The following PRPF18 variants were observed in gnomAD, a reference collection of about 807,000 sequenced individuals.
The protein encoded by PRPF18 is pre-mRNA-splicing factor 18.
PRPF18 carries 38 observed loss-of-function variants against 46.5 expected under a neutral mutation model. That is an observed-to-expected ratio of 0.82 (90% CI 0.63 to 1.07). The LOEUF is 1.07. PRPF18 is among the 50% of genes least tolerant of loss of function. PRPF18 has a pLI of 0.00. For synonymous variants in PRPF18, 152 were observed against 146.7 expected (o/e 1.04, Z -0.26); for missense variants, 263 against 410.0 (o/e 0.64, Z 3.10).
intron 9 of PRPF18, among the ~76,000 whole-genome samples, chr10:13,623,025 C>G (rs547792417): frequency 2.6e-5 from 4 of 151,916 alleles, no homozygotes; most frequent in Non-Finnish European, 5.9e-5. Flanking sequence ...AGTGAAACCC[C>G]GTCTCTACTA....
At chr10:13,645,373 C>G in the PRPF18 span, 1 of 152,370 alleles carries the variant, frequency 6.6e-6, no homozygotes, top group East Asian at 1.9e-4. Context: ...ACCCCATCCC[C>G]CCACCACTTG....
At chr10:13,611,941 G>A (rs907451790) in intron 6 of PRPF18, among the ~76,000 whole-genome samples, 6 of 150,424 alleles carry the variant, frequency 4.0e-5, no homozygotes, top group African/African-American at 1.2e-4. Context: ...GTGCAGTGGT[G>A]TAATCTCAGC....
intron 1 of PRPF18, among the ~76,000 whole-genome samples, chr10:13,587,892 A>G (rs1169931363): frequency 6.6e-6 from 1 of 151,964 alleles, no homozygotes; most frequent in Non-Finnish European, 1.5e-5. Context: ...GGCAACTTAC[A>G]CTCACGGCCT....
At chr10:13,609,527 A>T (rs562160366) in intron 4 of PRPF18, among the ~76,000 whole-genome samples, 1 of 152,218 alleles carries the variant, frequency 6.6e-6, no homozygotes, top group Admixed American at 6.5e-5. Flanking sequence ...TTAAAGGGTC[A>T]TGAACCATAT....
downstream of PRPF18, chr10:13,632,578 A>G (rs2080599857): frequency 6.6e-6 from 1 of 152,208 alleles, no homozygotes; most frequent in Non-Finnish European, 1.5e-5. Flanking sequence ...TGTTCCATAT[A>G]AAGAAACTGT....
downstream of PRPF18, chr10:13,632,864 A>G (rs917723227): frequency 1.3e-5 from 2 of 152,236 alleles, no homozygotes; most frequent in African/African-American, 4.8e-5. Context: ...AAAACAGTGA[A>G]GACATACCTT....
chr10:13,654,272 A>T, the PRPF18 span: 1 of 682,728 alleles, frequency 1.5e-6, no homozygotes, highest in South Asian at 1.7e-5. Context: ...ACAGCAGATC[A>T]TGGGGCTTCT....
At chr10:13,633,587 C>A (rs755936801), downstream of PRPF18, among the ~76,000 whole-genome samples, 1 of 152,130 alleles carries the variant, frequency 6.6e-6, no homozygotes, top group Non-Finnish European at 1.5e-5. Flanking sequence ...CTACCCTGCC[C>A]CACCCCATGA....
intron 3 of PRPF18, among the ~76,000 whole-genome samples, chr10:13,603,062 A>T (rs2080135483): frequency 6.6e-6 from 1 of 152,206 alleles, no homozygotes; most frequent in South Asian, 2.1e-4. Context: ...AACATTGAAA[A>T]GCTTGAGTTA....
At chr10:13,609,973 C>A in intron 4 of PRPF18, 66 bp from the exon 5 acceptor site, 1 of 1,453,080 alleles carries the variant, frequency 6.9e-7, no homozygotes, top group South Asian at 1.3e-5. Context: ...AATGAAAAAT[C>A]AAAGGTGAAA....
chr10:13,613,922 A>G, intron 7 of PRPF18, 41 bp downstream of exon 7: 1 of 1,588,934 alleles, frequency 6.3e-7, no homozygotes, highest in Non-Finnish European at 8.6e-7. Context: ...CTGACTTTAA[A>G]AATACAGTAT....
chr10:13,650,998 A>ATATC, the PRPF18 span: 7 of 152,200 alleles, frequency 4.6e-5, no homozygotes, highest in East Asian at 9.6e-4. Context: ...TGCTCCTTGT[A>ATATC]TATCTTCTGA....
intron 9 of PRPF18, among the ~76,000 whole-genome samples, chr10:13,629,002 T>A (rs779555333): frequency 2.0e-5 from 3 of 152,110 alleles, no homozygotes; most frequent in Non-Finnish European, 4.4e-5. Context: ...CTAAGAAGAA[T>A]AACTAAAGCT....
At chr10:13,625,733 C>A (rs772742527) in intron 9 of PRPF18, among the ~76,000 whole-genome samples, 1 of 152,154 alleles carries the variant, frequency 6.6e-6, no homozygotes, top group Non-Finnish European at 1.5e-5. Context: ...GAGAAAAGGT[C>A]GCTTACAAAG....
chr10:13,597,104 T>C lies in PRPF18; in HGVS notation c.67-354T>C, dbSNP rs149780368. Among the ~76,000 whole-genome samples the C allele has an allele frequency of 4.6e-4, 70 of 152,358 alleles. No individual in the cohort carries two copies. The South Asian group carries it at 0.012, about 26-fold the overall frequency. ...AAAATAATTGAGGTATACCATTTTATGTGTTTCATAATGAATCCATTTGAA... is the reference window on the plus strand; with the variant it reads ...AAAATAATTGAGGTATACCATTTTACGTGTTTCATAATGAATCCATTTGAA... On this transcript the variant is annotated intron_variant, in intron 1 of 9. Transcript: ENST00000378572.
At chr10:13,649,772 G>C in the PRPF18 span, 1 of 152,194 alleles carries the variant, frequency 6.6e-6, no homozygotes, top group Non-Finnish European at 1.5e-5. Flanking sequence ...TTTTCCGGTA[G>C]TAGTCAAGGA....
intron 9 of PRPF18, among the ~76,000 whole-genome samples, chr10:13,619,907 C>T (rs7087064): frequency 1 from 151,986 of 152,012 alleles, 75,980 homozygotes; most frequent in Non-Finnish European, 1. Flanking sequence ...AAATTAACAT[C>T]GTGTAAGGCT....
intron 1 of PRPF18, among the ~76,000 whole-genome samples, chr10:13,588,659 T>G (rs911747535): frequency 6.6e-6 from 1 of 152,184 alleles, no homozygotes; most frequent in Non-Finnish European, 1.5e-5. Context: ...TCCTTCTCTC[T>G]TCTTCAACAC....
the PRPF18 span, chr10:13,653,076 GGAT>G: frequency 1.3e-5 from 2 of 151,906 alleles, no homozygotes; most frequent in African/African-American, 4.8e-5. Flanking sequence ...CCCCGCAAGG[GGAT>G]GATGAGGATT....
Sources: gnomAD v4.1 joint callset for allele counts (sites outside exome capture counted in the v4.1 genomes callset) on GRCh38, gnomAD v4.1.1 for gene constraint, MANE v1.5 for transcripts, NCBI Gene and HGNC (gene_info 2026-07-23, HGNC 2026-07-21) for gene names.